AGBL4: variants seen among roughly 807,000 people sequenced by gnomAD.
The protein encoded by AGBL4 is cytosolic carboxypeptidase 6.
In AGBL4, 58 loss-of-function variants were observed where a neutral mutation model predicts 66.4. The observed-to-expected ratio is 0.87, with a 90% CI of 0.71 to 1.09. The LOEUF (loss-of-function observed/expected upper bound fraction) is 1.09. Among genes scored for constraint, AGBL4 ranks in the 50% least tolerant of loss-of-function variants. The pLI is 0.00. For synonymous variants in AGBL4, 234 were observed against 222.9 expected (o/e 1.05, Z -0.44); for missense variants, 579 against 631.0 (o/e 0.92, Z 0.88).
chr1:49,867,273 A>G (rs1228642038), intron 1 of AGBL4, among the ~76,000 whole-genome samples: 4 of 150,630 alleles, frequency 2.7e-5, no homozygotes, highest in African/African-American at 7.3e-5. Flanking sequence ...ATTTCTATAC[A>G]TATTTCCTCT....
intron 5 of AGBL4, among the ~76,000 whole-genome samples, chr1:49,037,068 T>G (rs191050388): frequency 3.9e-5 from 6 of 151,954 alleles, no homozygotes; most frequent in Admixed American, 2.6e-4. Context: ...TAAAGTATAA[T>G]AATAAAAAAA....
intron 2 of AGBL4, among the ~76,000 whole-genome samples, chr1:49,821,135 G>A (rs762853110): frequency 5.9e-5 from 9 of 152,014 alleles, no homozygotes; most frequent in South Asian, 2.1e-4. Context: ...CTGATTGTGC[G>A]GTCCAGTATG....
At chr1:49,898,270 A>T (rs977749488) in intron 1 of AGBL4, among the ~76,000 whole-genome samples, 1 of 152,164 alleles carries the variant, frequency 6.6e-6, no homozygotes, top group Non-Finnish European at 1.5e-5. Flanking sequence ...TACAGGGGGA[A>T]AAAGAGCTAG....
At chr1:49,690,532 C>T (rs1488417273) in intron 3 of AGBL4, among the ~76,000 whole-genome samples, 1 of 152,162 alleles carries the variant, frequency 6.6e-6, no homozygotes, top group Admixed American at 6.5e-5. Flanking sequence ...CTTTCTTTGT[C>T]TCAGTTCCTT....
intron 2 of AGBL4, among the ~76,000 whole-genome samples, chr1:49,747,285 T>G (rs971167378): frequency 3.9e-5 from 6 of 152,164 alleles, no homozygotes; most frequent in African/African-American, 1.4e-4. Context: ...TGACTCAGCT[T>G]TGCAAGTAGC....
At chr1:49,607,955 G>A (rs1271009297) in intron 3 of AGBL4, among the ~76,000 whole-genome samples, 1 of 152,138 alleles carries the variant, frequency 6.6e-6, no homozygotes, top group Non-Finnish European at 1.5e-5. Context: ...TTGAATAATA[G>A]GGGAGAAGTG....
At chr1:48,590,161 T>C (rs983086452) in intron 10 of AGBL4, among the ~76,000 whole-genome samples, 9 of 151,976 alleles carry the variant, frequency 5.9e-5, no homozygotes, top group Non-Finnish European at 1.0e-4. Flanking sequence ...TCCCAGCACA[T>C]TGGGAGGCCG....
intron 6 of AGBL4, among the ~76,000 whole-genome samples, chr1:48,679,872 C>T (rs72902807): frequency 0.14 from 20,740 of 152,258 alleles, 3,515 homozygotes; most frequent in African/African-American, 0.4. Flanking sequence ...CTGATCTCTG[C>T]GGCCAGAGGC....
intron 6 of AGBL4, among the ~76,000 whole-genome samples, chr1:48,694,669 C>T (rs1646687134): frequency 6.6e-6 from 1 of 152,172 alleles, no homozygotes; most frequent in Admixed American, 6.5e-5. Context: ...GGCATTCATT[C>T]ATCCATTTAT....
chr1:49,260,786 G>A, intron 3 of AGBL4, among the ~76,000 whole-genome samples: 1 of 152,018 alleles, frequency 6.6e-6, no homozygotes, highest in Non-Finnish European at 1.5e-5. Context: ...GAAAAAGAGG[G>A]AATCCTCCCT....
intron 3 of AGBL4, among the ~76,000 whole-genome samples, chr1:49,430,777 A>G (rs1325527238): frequency 6.6e-6 from 1 of 152,164 alleles, no homozygotes; most frequent in Non-Finnish European, 1.5e-5. Flanking sequence ...CAAATTCTCT[A>G]CTTATGCTCC....
At chr1:48,876,833 T>C (rs1025566007) in intron 5 of AGBL4, among the ~76,000 whole-genome samples, 1 of 152,226 alleles carries the variant, frequency 6.6e-6, no homozygotes, top group Non-Finnish European at 1.5e-5. Context: ...TAAATTATTT[T>C]GATATGTTTT....
intron 3 of AGBL4, among the ~76,000 whole-genome samples, chr1:49,377,165 T>G (rs1320230357): frequency 6.6e-6 from 1 of 152,084 alleles, no homozygotes; most frequent in Non-Finnish European, 1.5e-5. Flanking sequence ...AACACCTACT[T>G]TCCCCCATCT....
chr1:48,562,542 C>T (rs1257302208), intron 11 of AGBL4, among the ~76,000 whole-genome samples: 1 of 152,204 alleles, frequency 6.6e-6, no homozygotes, highest in Admixed American at 6.5e-5. Context: ...CTGTTCATAT[C>T]TTTTACTTAG....
At chr1:49,591,678 C>T (rs962269028) in intron 3 of AGBL4, among the ~76,000 whole-genome samples, 5 of 152,170 alleles carry the variant, frequency 3.3e-5, no homozygotes, top group African/African-American at 1.2e-4. Context: ...CTCTACTTGA[C>T]TTCAAACTAT....
At chr1:48,915,877 A>C (rs897462765) in intron 5 of AGBL4, among the ~76,000 whole-genome samples, 16 of 152,238 alleles carry the variant, frequency 1.1e-4, no homozygotes, top group African/African-American at 3.9e-4. Flanking sequence ...GAAATAAAAG[A>C]AATAAAATAA....
chr1:48,956,627 T>C (rs923032396), intron 5 of AGBL4, among the ~76,000 whole-genome samples: 1 of 152,210 alleles, frequency 6.6e-6, no homozygotes, highest in Non-Finnish European at 1.5e-5. Context: ...CCTAGGAAAG[T>C]AGATTGAGAG....
chr1:49,636,279 T>C (rs940662949), intron 3 of AGBL4, among the ~76,000 whole-genome samples: 1 of 152,200 alleles, frequency 6.6e-6, no homozygotes, highest in Non-Finnish European at 1.5e-5. Context: ...GACTGACCAC[T>C]TCCTGATTTG....
intron 4 of AGBL4, among the ~76,000 whole-genome samples, chr1:49,129,895 C>T (rs1306925948): frequency 1.3e-4 from 20 of 152,218 alleles, no homozygotes; most frequent in African/African-American, 2.6e-4. Flanking sequence ...CCACACTGAC[C>T]TCCACAATGG....
Sources: allele counts gnomAD v4.1 joint callset (sites outside exome capture counted in the v4.1 genomes callset), GRCh38; gene constraint gnomAD v4.1.1; transcripts MANE v1.5; gene names NCBI Gene and HGNC (gene_info 2026-07-23, HGNC 2026-07-21).